The following EXOC4 variants were observed in gnomAD, a reference collection of about 807,000 sequenced individuals.
EXOC4 encodes the protein SEC8-like 1.
A neutral mutation model predicts 107.2 loss-of-function variants in EXOC4; 71 were observed. That is an observed-to-expected ratio of 0.66 (90% CI 0.55 to 0.81). The LOEUF (loss-of-function observed/expected upper bound fraction) is 0.81, where lower values mean the gene tolerates loss of function less well. Ranked by LOEUF, EXOC4 falls within the 30% of genes least tolerant of loss-of-function variation. EXOC4 has a pLI of 0.00. For synonymous variants in EXOC4, 456 were observed against 441.2 expected, an observed-to-expected ratio of 1.03 and a Z score of -0.42; for missense variants, 1,108 against 1,189.6, an observed-to-expected ratio of 0.93 and a Z score of 1.01.
rs1797642571 is a variant in EXOC4 at position 133,423,225 on chromosome 7, C to CA, written c.1182+48223_1182+48224insA. On this transcript the variant is annotated intron_variant, in intron 7 of 17. Transcript: ENST00000253861. ...TGGGCGACAGAGCGAGACTCCGTCT[C>CA]CAAAAAAAAAAAAAAAAAAAAAAAA... Among the ~76,000 whole-genome samples the CA allele has an allele frequency of 2.5e-4, 3 of 12,158 alleles. 1 individual carries two copies. Among genetic ancestry groups the CA allele is most frequent in the African/African-American group, 2.3e-3 (3 of 1,282 alleles). 8.0% of individuals were successfully genotyped at this position (12,158 alleles called of 152,430 possible).
intron 3 of EXOC4, chr7:133,290,976 G>A (rs1217991823): frequency 1.3e-5 from 2 of 151,898 alleles, no homozygotes; most frequent in Non-Finnish European, 2.9e-5. Context: ...GGTATTGAGG[G>A]AAAACAGGGG....
At chr7:133,292,586 T>C (rs889395396) in intron 3 of EXOC4, among the ~76,000 whole-genome samples, 8 of 152,210 alleles carry the variant, frequency 5.3e-5, no homozygotes, top group African/African-American at 1.9e-4. Context: ...TTCCCAATAC[T>C]GTCTGCCTGG....
In EXOC4 at chr7:133,488,916, A is replaced by T. The variant is rs143240394; in HGVS notation, c.1417+8778A>T. Among the ~76,000 whole-genome samples the T allele has an allele frequency of 1.4e-3, 207 of 149,892 alleles. No individual in the cohort carries two copies. In the East Asian group the frequency reaches 0.025, roughly 18 times the overall value. On this transcript the variant is annotated intron_variant, in intron 9 of 17. Transcript: ENST00000253861. ...TTAGATTATATATAGAAATGTAAACATTTATAATGTAATATATATAAAATC... is the reference window on the plus strand; with the variant it reads ...TTAGATTATATATAGAAATGTAAACTTTTATAATGTAATATATATAAAATC...
chr7:134,033,209 G>A (rs1171336802), intron 17 of EXOC4, among the ~76,000 whole-genome samples: 1 of 152,078 alleles, frequency 6.6e-6, no homozygotes, highest in East Asian at 1.9e-4. Context: ...AGTGCCAAGA[G>A]AAACCGAAAA....
At chr7:133,661,205 T>G (rs565615024) in intron 10 of EXOC4, among the ~76,000 whole-genome samples, 87 of 152,182 alleles carry the variant, frequency 5.7e-4, no homozygotes, top group African/African-American at 2.0e-3. Flanking sequence ...GGCAGTCTCT[T>G]GCTGCATGCT....
intron 5 of EXOC4, among the ~76,000 whole-genome samples, chr7:133,326,412 G>A (rs910849116): frequency 1.3e-5 from 2 of 152,136 alleles, no homozygotes; most frequent in African/African-American, 4.8e-5. Context: ...CTGTTTGTTA[G>A]TTTTCCTTCT....
At chr7:133,417,991 T>G (rs1797517785) in intron 7 of EXOC4, among the ~76,000 whole-genome samples, 1 of 152,176 alleles carries the variant, frequency 6.6e-6, no homozygotes, top group African/African-American at 2.4e-5. Flanking sequence ...CATGTTTTAC[T>G]AAAAAAGTAA....
At chr7:133,675,986 C>G (rs901960283) in intron 10 of EXOC4, among the ~76,000 whole-genome samples, 1 of 152,058 alleles carries the variant, frequency 6.6e-6, no homozygotes, top group African/African-American at 2.4e-5. Flanking sequence ...AAGGATGTCT[C>G]ATCTCTATGT....
intron 13 of EXOC4, among the ~76,000 whole-genome samples, chr7:133,923,408 C>T (rs954687658): frequency 6.6e-6 from 1 of 152,128 alleles, no homozygotes; most frequent in African/African-American, 2.4e-5. Context: ...GTTCTAGTTG[C>T]CCCATATCTC....
intron 9 of EXOC4, among the ~76,000 whole-genome samples, chr7:133,566,696 G>A (rs1040469286): frequency 2.0e-5 from 3 of 152,118 alleles, no homozygotes; most frequent in Non-Finnish European, 2.9e-5. Flanking sequence ...TTCTTGCTTT[G>A]TTGTTTGTTT....
chr7:133,963,115 C>T (rs1243140379), intron 14 of EXOC4, among the ~76,000 whole-genome samples: 1 of 152,238 alleles, frequency 6.6e-6, no homozygotes, highest in Non-Finnish European at 1.5e-5. Context: ...GGCTGCCTTC[C>T]CTGTCCCCGC....
At chr7:133,671,380 A>G (rs1793941539) in intron 10 of EXOC4, among the ~76,000 whole-genome samples, 1 of 152,106 alleles carries the variant, frequency 6.6e-6, no homozygotes, top group Non-Finnish European at 1.5e-5. Flanking sequence ...CCTGGCCAAC[A>G]TGGCGAAACC....
chr7:134,016,263 G>C (rs1227098947), intron 17 of EXOC4, among the ~76,000 whole-genome samples: 1 of 152,130 alleles, frequency 6.6e-6, no homozygotes, highest in Non-Finnish European at 1.5e-5. Flanking sequence ...AACAGATATG[G>C]GGAATCATCA....
At chr7:133,919,796 A>G (rs995574066) in intron 13 of EXOC4, among the ~76,000 whole-genome samples, 3 of 152,274 alleles carry the variant, frequency 2.0e-5, no homozygotes, top group African/African-American at 7.2e-5. Flanking sequence ...ATTGAAGGAT[A>G]TCTTAGTTGC....
At chr7:133,449,565 C>T (rs887925038) in intron 7 of EXOC4, among the ~76,000 whole-genome samples, 1 of 152,096 alleles carries the variant, frequency 6.6e-6, no homozygotes, top group African/African-American at 2.4e-5. Context: ...TTTAGTGTTA[C>T]AGGAAGTATA....
At chr7:133,257,919 G>T (rs75344921) in intron 1 of EXOC4, among the ~76,000 whole-genome samples, 1,821 of 152,284 alleles carry the variant, frequency 0.012, 30 homozygotes, top group African/African-American at 0.041. Context: ...TTTGACCAGG[G>T]CTTTGAACGA....
chr7:133,319,426 G>A (rs953338892), intron 5 of EXOC4, among the ~76,000 whole-genome samples: 1 of 152,180 alleles, frequency 6.6e-6, no homozygotes, highest in Non-Finnish European at 1.5e-5. Context: ...GAACTGCTTG[G>A]TAGTTGACTG....
intron 9 of EXOC4, among the ~76,000 whole-genome samples, chr7:133,537,830 C>T (rs753865699): frequency 6.6e-6 from 1 of 152,140 alleles, no homozygotes; most frequent in Non-Finnish European, 1.5e-5. Context: ...TATCAGTGCT[C>T]AAGTGTCATC....
chr7:133,722,862 T>C (rs1795133334), intron 10 of EXOC4, among the ~76,000 whole-genome samples: 1 of 152,228 alleles, frequency 6.6e-6, no homozygotes, highest in South Asian at 2.1e-4. Flanking sequence ...ATTATTGCCA[T>C]GTGGATGTAG....
Sources: allele counts gnomAD v4.1 joint callset (sites outside exome capture counted in the v4.1 genomes callset), GRCh38; gene constraint gnomAD v4.1.1; transcripts MANE v1.5; gene names NCBI Gene and HGNC (gene_info 2026-07-23, HGNC 2026-07-21).